The following ZFHX3 variants were observed in gnomAD, a reference collection of about 807,000 sequenced individuals.
ZFHX3 encodes zinc finger homeobox 3.
ZFHX3 carries 42 observed loss-of-function variants against 279.1 expected under a neutral mutation model. The observed-to-expected ratio is 0.15, with a 90% CI of 0.12 to 0.19. The LOEUF is 0.19. Among genes scored for constraint, ZFHX3 ranks in the 10% least tolerant of loss-of-function variants. The pLI is 1.00. For synonymous variants in ZFHX3, 2,293 were observed against 1,957.8 expected (o/e 1.17, Z -4.52); for missense variants, 4,981 against 4,754.0 (o/e 1.05, Z -1.40).
intron 2 of ZFHX3, among the ~76,000 whole-genome samples, chr16:73,596,932 CTTAA>C (rs1327145510): frequency 3.3e-5 from 5 of 151,748 alleles, no homozygotes; most frequent in Admixed American, 3.3e-4. Context: ...AAGCACCTCT[CTTAA>C]AAAGAAAATC....
At chr16:73,170,734 T>G (rs1392463662) in intron 5 of ZFHX3, among the ~76,000 whole-genome samples, 1 of 152,162 alleles carries the variant, frequency 6.6e-6, no homozygotes, top group East Asian at 1.9e-4. Context: ...AGGAAAAGAA[T>G]GACCTCGGGA....
chr16:73,729,503 T>G (rs2053550450), intron 1 of ZFHX3, among the ~76,000 whole-genome samples: 1 of 150,676 alleles, frequency 6.6e-6, no homozygotes, highest in African/African-American at 2.5e-5. Context: ...TACTCCAGCC[T>G]GGGCAACAGA....
At position 72,784,024 on chromosome 16, in the gene ZFHX3, A is replaced by AACAT. The variant is rs535739515; in HGVS notation, c.*3136_*3139dup. ...AGAATTATTCTTACTTTTTTCAATG[A>AACAT]ACATATATGTGGGCGGTTTAGTTGC... is the stretch of plus-strand genomic sequence containing the variant. On this transcript the variant is annotated 3_prime_UTR_variant, in exon 10 of 10. Transcript: ENST00000268489. The AACAT allele has an allele frequency of 1.7e-3, 258 of 152,422 alleles. No homozygotes were observed. The highest frequency in any genetic ancestry group is 5.7e-3 in the African/African-American group (238 of 41,576). The allele number at this position is 152,422 out of a possible 1,614,324, so 9.4% of individuals were successfully genotyped here. A position where few individuals can be genotyped will look rare whatever the true frequency, so the allele number is the denominator to read the frequency against.
chr16:72,958,833 G>T lies in ZFHX3; in HGVS notation c.1313C>A (p.Ala438Glu), dbSNP rs200794923. 6.2e-7 allele frequency: 1 copy of T among 1,613,796 alleles called. No individual in the cohort carries two copies. Among genetic ancestry groups the T allele is most frequent in the Non-Finnish European group, 8.5e-7 (1 of 1,179,986 alleles). ...TKSSEGKDSG[A>E]AEGEKQEVGD... is the part of the protein sequence containing the mutation. ...CACTTCCTGCTTCTCTCCTTCTGCCGCCCCAGAGTCCTTGCCCTCTGAGGA... is the reference window on the plus strand; with the variant it reads ...CACTTCCTGCTTCTCTCCTTCTGCCTCCCCAGAGTCCTTGCCCTCTGAGGA... The change falls in exon 2 of 10, where the codon GCG (alanine) becomes GAG (glutamate). Residue 438 changes from alanine (A) to glutamate (E), a missense_variant. This residue lies in a region of ZFHX3 where 1,068 missense variants were observed against 935.2 expected (regional missense o/e 1.14). Coordinates refer to ENST00000268489, the MANE Select transcript of ZFHX3 (RefSeq NM_006885.4).
intron 5 of ZFHX3, among the ~76,000 whole-genome samples, chr16:73,226,466 G>A (rs1349678932): frequency 1.3e-5 from 2 of 152,184 alleles, no homozygotes; most frequent in Non-Finnish European, 2.9e-5. Context: ...GAGCAAGTAC[G>A]GGCTCATGAG....
chr16:73,364,040 A>G (rs930326699), intron 3 of ZFHX3, among the ~76,000 whole-genome samples: 5 of 151,952 alleles, frequency 3.3e-5, no homozygotes, highest in African/African-American at 9.7e-5. Flanking sequence ...GGGCATGGTG[A>G]CGCATGCCTG....
chr16:73,471,946 T>C lies in ZFHX3; in HGVS notation c.-1546-15688A>G, dbSNP rs113801094. 4.9e-3 allele frequency among the ~76,000 whole-genome samples: 742 copies of C among 152,220 alleles called. 2 individuals are homozygous for C. Among genetic ancestry groups the C allele is most frequent in the African/African-American group, 0.017 (687 of 41,526 alleles). On this transcript the variant is annotated intron_variant, in intron 2 of 17. Coordinates refer to the ZFHX3 transcript ENST00000641206. ...GCATGGTGGTGATCCTCCTCCCCAC[T>C]TTCTGATCCTGACAAGGTGATGCTC...
chr16:73,279,343 C>CT (rs1207373903), intron 4 of ZFHX3, among the ~76,000 whole-genome samples: 1 of 151,960 alleles, frequency 6.6e-6, no homozygotes, highest in African/African-American at 2.4e-5. Context: ...TTTTATCCTA[C>CT]TAGGGGTCAG....
At chr16:73,009,275 ATC>A (rs76895920) in intron 1 of ZFHX3, among the ~76,000 whole-genome samples, 8,431 of 152,268 alleles carry the variant, frequency 0.055, 279 homozygotes, top group Non-Finnish European at 0.073. Context: ...CGTTGAAGAA[ATC>A]TGTTTCCTAC....
At chr16:73,393,244 C>T (rs183901773) in intron 3 of ZFHX3, among the ~76,000 whole-genome samples, 28 of 152,316 alleles carry the variant, frequency 1.8e-4, no homozygotes, top group Non-Finnish European at 2.8e-4. Flanking sequence ...CCATTGTACC[C>T]GGCCCTTCCT....
At chr16:72,870,717 C>CAAA (rs71156125) in intron 4 of ZFHX3, among the ~76,000 whole-genome samples, 56 of 101,428 alleles carry the variant, frequency 5.5e-4, no homozygotes, top group African/African-American at 1.5e-3. Flanking sequence ...GACTCTGTCT[C>CAAA]AAAAAAAAAA....
chr16:73,294,272 T>C (rs1226326454), intron 4 of ZFHX3: 2 of 152,178 alleles, frequency 1.3e-5, no homozygotes, highest in Non-Finnish European at 2.9e-5. Context: ...TTTCTTAGCC[T>C]AGAAGGTTGA....
At chr16:72,836,968 C>T (rs1310494766) in intron 4 of ZFHX3, among the ~76,000 whole-genome samples, 1 of 152,178 alleles carries the variant, frequency 6.6e-6, no homozygotes. Context: ...CATTTCTTTT[C>T]CAATGGGCAA....
intron 3 of ZFHX3, among the ~76,000 whole-genome samples, chr16:73,383,992 A>T (rs753691051): frequency 1.4e-4 from 21 of 152,238 alleles, no homozygotes; most frequent in African/African-American, 5.1e-4. Context: ...CGAGTGCTCC[A>T]CGAACACACT....
At position 72,787,192 on chromosome 16, in the gene ZFHX3, C is replaced by G; in HGVS notation, c.11084G>C (p.Ser3695Thr). The G allele has an allele frequency of 6.2e-7, 1 of 1,610,326 alleles. No individual in the cohort carries two copies. Among genetic ancestry groups the G allele is most frequent in the Non-Finnish European group, 8.5e-7 (1 of 1,177,592 alleles). Residue 3695 changes from serine (S) to threonine (T), a missense_variant, in exon 10 of 10, where the codon AGT (serine) becomes ACT (threonine). By Grantham distance (58) the Ser-to-Thr change is moderately conservative. Transcript: ENST00000268489. ...CAATCTGAAGGTGTCCGTTCCTACA[C>G]TGGTCAGACCACTGTCCTTGGGGCA... ...PSCPKDSGLT[S>T]VGTDTFRL is the part of the protein sequence containing the mutation.
chr16:73,417,547 A>G (rs1340534317), intron 3 of ZFHX3, among the ~76,000 whole-genome samples: 5 of 151,550 alleles, frequency 3.3e-5, no homozygotes, highest in African/African-American at 4.9e-5. Context: ...CCTAATTTTG[A>G]TAGTTGCACC....
intron 2 of ZFHX3, among the ~76,000 whole-genome samples, chr16:73,486,368 T>G (rs1233958734): frequency 6.6e-6 from 1 of 152,228 alleles, no homozygotes; most frequent in African/African-American, 2.4e-5. Flanking sequence ...TCAGGCCTGC[T>G]CCCACCCTGT....
intron 3 of ZFHX3, among the ~76,000 whole-genome samples, chr16:73,372,614 G>C (rs916081123): frequency 6.6e-6 from 1 of 152,154 alleles, no homozygotes; most frequent in Non-Finnish European, 1.5e-5. Context: ...TGCTCCTCTA[G>C]GTAAAAGGAA....
chr16:73,058,494 GC>G, intron 1 of ZFHX3: 1 of 172,916 alleles, frequency 5.8e-6, no homozygotes, highest in Non-Finnish European at 1.2e-5. Flanking sequence ...GGCGGCGGCG[GC>G]GGGAAAAAAA....
Sources: allele counts gnomAD v4.1 joint callset (sites outside exome capture counted in the v4.1 genomes callset), GRCh38; gene constraint gnomAD v4.1.1; regional missense constraint gnomAD v4.1.1; transcripts MANE v1.5; gene names NCBI Gene and HGNC (gene_info 2026-07-23, HGNC 2026-07-21).